PHACTR3: variants seen among roughly 807,000 people sequenced by gnomAD.
The protein encoded by PHACTR3 is phosphatase and actin regulator 3.
A neutral mutation model predicts 66.8 loss-of-function variants in PHACTR3; 16 were observed. The observed-to-expected ratio is 0.24, with a 90% CI of 0.16 to 0.36. The LOEUF is 0.36. Among genes scored for constraint, PHACTR3 ranks in the 10% least tolerant of loss-of-function variants. The pLI, the probability that PHACTR3 is intolerant of heterozygous loss-of-function variation, is 1.00. For missense variants in PHACTR3, 647 were observed against 719.9 expected (o/e 0.90, Z 1.16); for synonymous variants, 323 against 292.1 (o/e 1.11, Z -1.08).
At chr20:59,579,714 A>G (rs2032808675) in intron 1 of PHACTR3, among the ~76,000 whole-genome samples, 1 of 152,240 alleles carries the variant, frequency 6.6e-6, no homozygotes, top group South Asian at 2.1e-4. Flanking sequence ...CTATGGCAGC[A>G]GAGTTGCCAG....
At position 59,773,416 on chromosome 20, in the gene PHACTR3, C is replaced by T. The variant is rs760252801; in HGVS notation, c.889C>T (p.Leu297=). The T allele has an allele frequency of 9.3e-6, 15 of 1,613,710 alleles. No individual in the cohort carries two copies. Among genetic ancestry groups the T allele is most frequent in the Non-Finnish European group, 1.3e-5 (15 of 1,179,902 alleles). ...PLPPSRVIEE[L]HRALATKHRQ... is the part of the protein sequence containing the mutation. Reference sequence around the variant, plus strand: ...TCCCCCAAGCCGCGTCATTGAGGAGCTGCACAGGGCGCTGGCCACGAAGCA... The same window carrying T: ...TCCCCCAAGCCGCGTCATTGAGGAGTTGCACAGGGCGCTGGCCACGAAGCA... Residue 297 remains leucine (L), a synonymous_variant, in exon 6 of 13, where the codon CTG becomes TTG. Coordinates refer to ENST00000371015, the MANE Select transcript of PHACTR3 (RefSeq NM_080672.5).
Position 59,634,268 on chromosome 20 carries a change from G to C in PHACTR3, c.118+29136G>C, listed in dbSNP as rs73914759. On this transcript the variant is annotated intron_variant, in intron 1 of 12. Coordinates refer to ENST00000371015, the MANE Select transcript of PHACTR3 (RefSeq NM_080672.5). ...AGTGCAGCCTCTGAAATCAGGCGGA[G>C]CTGGGTGTGAATCCCAGCCTCTGCA... is the stretch of plus-strand genomic sequence containing the variant. 5.4e-4 allele frequency among the ~76,000 whole-genome samples: 82 copies of C among 152,262 alleles called. 1 individual carries two copies. The East Asian group carries it at 0.016, about 29-fold the overall frequency.
At chr20:59,670,615 G>GGGT (rs1407617224) in intron 1 of PHACTR3, among the ~76,000 whole-genome samples, 1 of 129,042 alleles carries the variant, frequency 7.7e-6, no homozygotes, top group Non-Finnish European at 1.7e-5. Flanking sequence ...TGGGGGGGGG[G>GGGT]GGCAGGCACT....
In PHACTR3 at chr20:59,830,568, C is replaced by T. The variant is rs2042336723; in HGVS notation, c.1329-5937C>T. ...GAGGAGTGATTCTTGGGGATCCAGGCCTGCAAGGAGGCGCTGGGCAGGATG... is the reference window on the plus strand; with the variant it reads ...GAGGAGTGATTCTTGGGGATCCAGGTCTGCAAGGAGGCGCTGGGCAGGATG... On this transcript the variant is annotated intron_variant, in intron 8 of 12. Coordinates refer to ENST00000371015, the MANE Select transcript of PHACTR3 (RefSeq NM_080672.5). This position sits in a 1 kb window ranked among gnomAD's most constrained non-coding sequence, Gnocchi z 5.8. Among the ~76,000 whole-genome samples, 1 of 152,146 alleles carries T rather than the reference C, an allele frequency of 6.6e-6. No homozygotes were observed.
chr20:59,728,171 C>G (rs1166361676), intron 1 of PHACTR3, among the ~76,000 whole-genome samples: 1 of 152,146 alleles, frequency 6.6e-6, no homozygotes, highest in Non-Finnish European at 1.5e-5. Flanking sequence ...TGCCCATTCT[C>G]CCCTCCCACA....
intron 1 of PHACTR3, among the ~76,000 whole-genome samples, chr20:59,594,044 G>C (rs749599338): frequency 1.8e-4 from 27 of 152,174 alleles, no homozygotes; most frequent in Non-Finnish European, 3.1e-4. Flanking sequence ...AACTGATTTT[G>C]ACTGAGATTG....
At chr20:59,747,608 C>T (rs1030308423) in intron 2 of PHACTR3, 150 bp from the exon 3 acceptor site, 2 of 777,212 alleles carry the variant, frequency 2.6e-6, no homozygotes, top group Non-Finnish European at 4.2e-6. Flanking sequence ...AAAGTTGGGC[C>T]TCGCCAGTGG....
chr20:59,651,093 G>C (rs2035445394), intron 1 of PHACTR3, among the ~76,000 whole-genome samples: 1 of 152,148 alleles, frequency 6.6e-6, no homozygotes, highest in Non-Finnish European at 1.5e-5. Context: ...GACCATGGTG[G>C]TGTACACCTG....
intron 11 of PHACTR3, 141 bp downstream of exon 11, chr20:59,841,676 A>G (rs954276517): frequency 7.6e-6 from 7 of 916,756 alleles, no homozygotes; most frequent in African/African-American, 5.1e-5. Flanking sequence ...TTTCTCAAAG[A>G]TAATTCAGGG....
chr20:59,787,177 C>T (rs976747834), intron 7 of PHACTR3, among the ~76,000 whole-genome samples: 2 of 152,248 alleles, frequency 1.3e-5, no homozygotes, highest in Non-Finnish European at 2.9e-5. Context: ...GGTCTCCTTG[C>T]ACTTGACCTG....
chr20:59,791,654 TG>T (rs995824809), intron 7 of PHACTR3, among the ~76,000 whole-genome samples: 1 of 151,754 alleles, frequency 6.6e-6, no homozygotes, highest in African/African-American at 2.4e-5. Context: ...TTGTTACATA[TG>T]TGTACATGTG....
chr20:59,623,612 T>C (rs2034340250), intron 1 of PHACTR3, among the ~76,000 whole-genome samples: 1 of 152,184 alleles, frequency 6.6e-6, no homozygotes. Context: ...GGCTTTTCCC[T>C]CTTAAAACTG....
intron 1 of PHACTR3, among the ~76,000 whole-genome samples, chr20:59,616,398 G>T (rs2034026607): frequency 6.6e-6 from 1 of 152,200 alleles, no homozygotes; most frequent in Admixed American, 6.5e-5. Context: ...GCCTCAAGAT[G>T]CAGGAGGGAG....
rs1436461227 is a variant in PHACTR3 at position 59,767,283 on chromosome 20, C to T, written c.639C>T (p.Ser213=). 1.2e-6 allele frequency: 2 copies of T among 1,614,246 alleles called. No individual in the cohort carries two copies. Among genetic ancestry groups the T allele is most frequent in the South Asian group, 2.2e-5 (2 of 91,086 alleles). The change falls in exon 5 of 13, where the codon TCC becomes TCT. Residue 213 remains serine, a synonymous_variant. Transcript: ENST00000371015. ...CCCAAGCCTTAGCTGGGGCTGACTC[C>T]CTGGACAGTCCTCCCAGACCTCTGG... ...ELSQALAGAD[S]LDSPPRPLER...
chr20:59,710,232 C>A (rs1193059864), intron 1 of PHACTR3, among the ~76,000 whole-genome samples: 1 of 152,152 alleles, frequency 6.6e-6, no homozygotes, highest in African/African-American at 2.4e-5. Context: ...GTATTATAAA[C>A]AAGAATGGAA....
intron 2 of PHACTR3, among the ~76,000 whole-genome samples, chr20:59,744,127 G>T (rs2039276633): frequency 6.6e-6 from 1 of 152,234 alleles, no homozygotes; most frequent in Non-Finnish European, 1.5e-5. Flanking sequence ...ATTTGGCATG[G>T]AGGAGCCAAC....
chr20:59,810,387 C>G (rs1222143586), intron 8 of PHACTR3, among the ~76,000 whole-genome samples: 4 of 152,228 alleles, frequency 2.6e-5, no homozygotes, highest in African/African-American at 9.6e-5. Context: ...GTTTAAAAAC[C>G]TGGAATTAGA....
At chr20:59,713,560 T>A (rs2037980039) in intron 1 of PHACTR3, among the ~76,000 whole-genome samples, 2 of 152,212 alleles carry the variant, frequency 1.3e-5, no homozygotes, top group African/African-American at 4.8e-5. Context: ...ATTACATTTC[T>A]AAGATTGGTC....
intron 8 of PHACTR3, among the ~76,000 whole-genome samples, chr20:59,816,539 T>G (rs1032087995): frequency 2.6e-5 from 4 of 152,222 alleles, no homozygotes; most frequent in Non-Finnish European, 5.9e-5. Context: ...CTCAAAGTCC[T>G]TTTCCTTAGC....
Sources: allele counts gnomAD v4.1 joint callset (sites outside exome capture counted in the v4.1 genomes callset), GRCh38; gene constraint gnomAD v4.1.1; non-coding constraint Gnocchi (gnomAD v3.1); transcripts MANE v1.5; gene names NCBI Gene and HGNC (gene_info 2026-07-23, HGNC 2026-07-21).